The following TMEM9B variants were observed in gnomAD, a reference collection of about 807,000 sequenced individuals.
TMEM9B encodes the protein transmembrane protein 9B.
In TMEM9B, 8 loss-of-function variants were observed where a neutral mutation model predicts 23.5. The ratio of observed to expected loss-of-function variants is 0.34; its 90% CI spans 0.20 to 0.61. The LOEUF is 0.61. TMEM9B is among the 20% of genes least tolerant of loss of function. The probability of loss-of-function intolerance (pLI) is 0.78; values close to 1 mark genes in which losing one functional copy is unlikely to be tolerated. For missense variants in TMEM9B, 197 were observed against 252.3 expected (o/e 0.78, Z 1.49); for synonymous variants, 106 against 96.3 (o/e 1.10, Z -0.59).
chr11:8,953,196 AAC>A lies in TMEM9B; in HGVS notation c.441+5_441+6del. 1 of 1,614,146 alleles carries A rather than the reference AAC, an allele frequency of 6.2e-7. No individual in the cohort carries two copies. Among genetic ancestry groups the A allele is most frequent in the African/African-American group, 1.3e-5 (1 of 75,008 alleles). On this transcript the variant is annotated splice_donor_5th_base_variant and intron_variant, in intron 4 of 4. Transcript: ENST00000534025. Reference sequence around the variant, plus strand: ...CCATGAGCAGCTAGGGCAGGCTGGGAACTTACCCCAATATCATCATCACTCTG... The same window carrying A: ...CCATGAGCAGCTAGGGCAGGCTGGGATTACCCCAATATCATCATCACTCTG...
Position 8,949,747 on chromosome 11 carries a change from CTTT to C in TMEM9B, c.442-1275_442-1273del, listed in dbSNP as rs892938789. Reference sequence around the variant, plus strand: ...TTTATAAAGAATCTTTCCTCCTCTTCTTTGTCAAAATTCCTTCAACTTTTCACT... The same window carrying C: ...TTTATAAAGAATCTTTCCTCCTCTTCGTCAAAATTCCTTCAACTTTTCACT... On this transcript the variant is annotated intron_variant, in intron 4 of 4. Coordinates refer to ENST00000534025, the MANE Select transcript of TMEM9B (RefSeq NM_020644.3). Among the ~76,000 whole-genome samples, 12 of 152,098 alleles carry C rather than the reference CTTT, an allele frequency of 7.9e-5. 1 individual carries two copies. In the South Asian group the frequency reaches 1.9e-3, roughly 24 times the overall value.
chr11:8,962,658 A>T (rs558663442), intron 1 of TMEM9B: 1 of 157,294 alleles, frequency 6.4e-6, no homozygotes, highest in South Asian at 1.9e-4. Context: ...GTTGGGCCAG[A>T]GTCCCGTAGA....
chr11:8,954,045 T>C (rs1475371443), intron 3 of TMEM9B, among the ~76,000 whole-genome samples: 1 of 152,252 alleles, frequency 6.6e-6, no homozygotes, highest in Non-Finnish European at 1.5e-5. Flanking sequence ...TGCATATTCA[T>C]ATAGTGAAAT....
upstream of TMEM9B, chr11:8,964,565 G>T: frequency 2.7e-6 from 3 of 1,096,276 alleles, no homozygotes; most frequent in South Asian, 2.0e-5. Flanking sequence ...CCTAGCCCCG[G>T]CCCCGGGACG....
intron 2 of TMEM9B, among the ~76,000 whole-genome samples, chr11:8,961,498 G>A (rs1428207485): frequency 1.3e-5 from 2 of 152,228 alleles, no homozygotes; most frequent in Non-Finnish European, 2.9e-5. Flanking sequence ...AGCAGAGAAG[G>A]CTGCTGGTGG....
Position 8,954,497 on chromosome 11 carries a change from C to T in TMEM9B, c.307-1160G>A, listed in dbSNP as rs1853939195. Among the ~76,000 whole-genome samples the T allele has an allele frequency of 2.0e-5, 3 of 152,104 alleles. No individual in the cohort carries two copies. The South Asian group carries it at 6.2e-4, about 32-fold the overall frequency. Reference sequence around the variant, plus strand: ...AGAGATGGGGTTTCACCACGTTGGACAGGCTGGTCTCGAACTCCTGACCTC... The same window carrying T: ...AGAGATGGGGTTTCACCACGTTGGATAGGCTGGTCTCGAACTCCTGACCTC... On this transcript the variant is annotated intron_variant, in intron 3 of 4. Coordinates refer to ENST00000534025, the MANE Select transcript of TMEM9B (RefSeq NM_020644.3).
In TMEM9B at chr11:8,953,211, C is replaced by A. The variant is rs770371157; in HGVS notation, c.433G>T (p.Asp145Tyr). 3 of 1,614,150 alleles carry A rather than the reference C, an allele frequency of 1.9e-6. No homozygotes were observed. Among genetic ancestry groups the A allele is most frequent in the Non-Finnish European group, 2.5e-6 (3 of 1,180,028 alleles). Residue 145 changes from aspartate (D) to tyrosine (Y), a missense_variant, in exon 4 of 5, where the codon GAT becomes TAT. Physicochemically the swap from Asp to Tyr is radical, Grantham distance 160. This residue lies in a region of TMEM9B where 141 missense variants were observed against 214.1 expected (regional missense o/e 0.66). Transcript: ENST00000534025. ...GCAGGCTGGGAACTTACCCCAATAT[C>A]ATCATCACTCTGTATCAACTGTGCA... ...GHAQLIQSDD[D>Y]IGDHQPFANA...
chr11:8,962,014 AT>A, intron 2 of TMEM9B, 77 bp downstream of exon 2: 3 of 922,192 alleles, frequency 3.3e-6, no homozygotes, highest in Non-Finnish European at 4.9e-6. Context: ...AAAACTATGC[AT>A]TTGATGAACA....
At chr11:8,964,610 T>C (rs2247920), upstream of TMEM9B, 2 of 557,004 alleles carry the variant, frequency 3.6e-6, no homozygotes, top group Non-Finnish European at 5.6e-6. Context: ...CTGGGCCCAG[T>C]AGAGCTTTGC....
chr11:8,961,361 G>A (rs1854077760), intron 2 of TMEM9B, among the ~76,000 whole-genome samples: 1 of 152,218 alleles, frequency 6.6e-6, no homozygotes, highest in Admixed American at 6.5e-5. Flanking sequence ...ATCTTCCACC[G>A]TGGTTACAAA....
upstream of TMEM9B, chr11:8,964,536 G>C (rs1028088668): frequency 7.6e-7 from 1 of 1,322,622 alleles, no homozygotes; most frequent in Admixed American, 3.2e-5. Context: ...AGGCTGGGCA[G>C]TCCTGGTGCC....
chr11:8,948,997 C>T (rs1853827811), intron 4 of TMEM9B, among the ~76,000 whole-genome samples: 1 of 152,072 alleles, frequency 6.6e-6, no homozygotes, highest in East Asian at 1.9e-4. Flanking sequence ...GGAGGGTGAG[C>T]GACAGAGTCT....
intron 4 of TMEM9B, among the ~76,000 whole-genome samples, chr11:8,949,981 C>T (rs993729934): frequency 1.3e-5 from 2 of 151,672 alleles, no homozygotes; most frequent in Non-Finnish European, 2.9e-5. Context: ...TCACTGCAGC[C>T]TTGAACTCCT....
intron 4 of TMEM9B, among the ~76,000 whole-genome samples, chr11:8,949,137 A>G (rs1853830394): frequency 2.0e-5 from 3 of 152,208 alleles, no homozygotes; most frequent in Admixed American, 1.3e-4. Context: ...AAGTGCTACA[A>G]TCACCCTCTC....
chr11:8,960,329 T>A (rs975690718), intron 2 of TMEM9B, among the ~76,000 whole-genome samples: 2 of 151,670 alleles, frequency 1.3e-5, no homozygotes, highest in South Asian at 4.2e-4. Context: ...TTTAGTAGAG[T>A]CGGGGTTTCA....
chr11:8,959,068 C>T (rs1195452392), intron 2 of TMEM9B, among the ~76,000 whole-genome samples: 2 of 152,126 alleles, frequency 1.3e-5, no homozygotes, highest in South Asian at 4.1e-4. Context: ...GAACTATATC[C>T]CATAACAGGT....
At chr11:8,962,219 A>T in intron 1 of TMEM9B, 36 bp from the exon 2 acceptor site, 3 of 1,358,976 alleles carry the variant, frequency 2.2e-6, no homozygotes, top group Non-Finnish European at 3.1e-6. Flanking sequence ...GTGCGTTGAC[A>T]GTTTATCATC....
At position 8,947,509 on chromosome 11, in the gene TMEM9B, T is replaced by G. The variant is rs1853791049; in HGVS notation, c.*811A>C. The G allele has an allele frequency of 6.6e-6, 1 of 152,644 alleles. No individual in the cohort carries two copies. The highest frequency in any genetic ancestry group is 6.5e-5 in the Admixed American group (1 of 15,272). 9.5% of individuals were successfully genotyped at this position (152,644 alleles called of 1,614,324 possible). A position where few individuals can be genotyped will look rare whatever the true frequency, so the allele number is the denominator to read the frequency against. ...TTATCAATCCAGGGAGGCTTGGGTT[T>G]AAAATAAAATTTCTTTATTGCAAGT... On this transcript the variant is annotated 3_prime_UTR_variant, in exon 5 of 5. Transcript: ENST00000534025.
In TMEM9B at chr11:8,953,290, G is replaced by C; in HGVS notation, c.354C>G (p.Tyr118Ter). Residue 118 changes from tyrosine to a stop codon, truncating the protein, a stop_gained, in exon 4 of 5, where the codon TAC becomes TAG. Transcript: ENST00000534025. LOFTEE classifies it high-confidence loss of function. ...YLSILGLLLLYMVYLTLVEPI... is the reference protein window; with the variant it reads ...YLSILGLLLL ...GCTCAACCAGAGTAAGATATACCAT[G>C]TACAGAAGTAGAAGGCCCAAAATGG... 1 of 1,614,004 alleles carries C rather than the reference G, an allele frequency of 6.2e-7. No homozygotes were observed. Among genetic ancestry groups the C allele is most frequent in the Non-Finnish European group, 8.5e-7 (1 of 1,179,952 alleles).
Sources: allele counts gnomAD v4.1 joint callset (sites outside exome capture counted in the v4.1 genomes callset), GRCh38; gene constraint gnomAD v4.1.1; regional missense constraint gnomAD v4.1.1; transcripts MANE v1.5; gene names NCBI Gene and HGNC (gene_info 2026-07-23, HGNC 2026-07-21).